The following RTN1 variants were observed in gnomAD, a reference collection of about 807,000 sequenced individuals.
The protein encoded by RTN1 is reticulon 1, also known as reticulon-1.
In RTN1, 25 loss-of-function variants were observed where a neutral mutation model predicts 65.5. The ratio of observed to expected loss-of-function variants is 0.38; its 90% confidence interval spans 0.28 to 0.53. The LOEUF is 0.53. Ranked by LOEUF, RTN1 falls within the 20% of genes least tolerant of loss-of-function variation. The pLI is 0.79. For synonymous variants in RTN1, 471 were observed against 447.6 expected (o/e 1.05, Z -0.66); for missense variants, 983 against 1,025.4 (o/e 0.96, Z 0.57).
intron 3 of RTN1, among the ~76,000 whole-genome samples, chr14:59,626,134 C>T (rs1419938300): frequency 6.6e-6 from 1 of 152,124 alleles, no homozygotes; most frequent in Non-Finnish European, 1.5e-5. Context: ...TTCCCAAATA[C>T]TATTCCCAAA....
rs933911600 is a variant in RTN1 at position 59,707,387 on chromosome 14, C to T, written c.1765+19532G>A. 4.6e-5 allele frequency among the ~76,000 whole-genome samples: 7 copies of T among 152,214 alleles called. 1 individual carries two copies. The South Asian group carries it at 1.5e-3, about 32-fold the overall frequency. On this transcript the variant is annotated intron_variant, in intron 3 of 8. Transcript: ENST00000267484. ...ATTTAAAATAGCTTTCTTTAGCCTG[C>T]TTTATTTTTGAATTCACAGCACTTG...
intron 1 of RTN1, among the ~76,000 whole-genome samples, chr14:59,864,979 G>A (rs1262951006): frequency 6.6e-6 from 1 of 152,066 alleles, no homozygotes. Context: ...ATAAATTAAA[G>A]AGCATGCTTT....
Position 59,790,429 on chromosome 14 carries a change from C to T in RTN1, c.242-43948G>A, listed in dbSNP as rs114380872. Among the ~76,000 whole-genome samples the T allele has an allele frequency of 0.013, 1,916 of 152,070 alleles. 38 individuals are homozygous for T. The highest frequency in any genetic ancestry group is 0.043 in the African/African-American group (1,767 of 41,496). Reference sequence around the variant, plus strand: ...ATTTAAAACTAATAATAATATGAAACTCTTGTGTCACCTTTTATTCATAAT... The same window carrying T: ...ATTTAAAACTAATAATAATATGAAATTCTTGTGTCACCTTTTATTCATAAT... On this transcript the variant is annotated intron_variant, in intron 1 of 8. Transcript: ENST00000267484. This position sits in a 1 kb window ranked among gnomAD's most constrained non-coding sequence, Gnocchi z 4.1.
At chr14:59,663,974 C>A (rs1017786885) in intron 3 of RTN1, among the ~76,000 whole-genome samples, 12 of 152,074 alleles carry the variant, frequency 7.9e-5, no homozygotes, top group African/African-American at 2.9e-4. Context: ...TGAGTATATA[C>A]CCAAAGGATT....
At chr14:59,619,490 T>C (rs1882197630) in intron 3 of RTN1, among the ~76,000 whole-genome samples, 1 of 152,238 alleles carries the variant, frequency 6.6e-6, no homozygotes, top group Non-Finnish European at 1.5e-5. Context: ...TAATATCATA[T>C]ATCCAATGAT....
Position 59,607,512 on chromosome 14 carries a change from C to T in RTN1, c.1766-20G>A, listed in dbSNP as rs941995691. ...CAATAGCTGCAGGAGACACCAAACA[C>T]ACCCAGCTGAGCTCCCGCAGTGCCG... On this transcript the variant is annotated intron_variant, in intron 3 of 8. Transcript: ENST00000267484. 9 of 1,583,002 alleles carry T rather than the reference C, an allele frequency of 5.7e-6. No individual in the cohort carries two copies. The highest frequency in any genetic ancestry group is 1.3e-5 in the African/African-American group (1 of 74,172).
At chr14:59,703,223 C>A (rs892726511) in intron 3 of RTN1, among the ~76,000 whole-genome samples, 1 of 152,090 alleles carries the variant, frequency 6.6e-6, no homozygotes, top group African/African-American at 2.4e-5. Flanking sequence ...TATATGATAT[C>A]GTTTGGGTAT....
Position 59,749,422 on chromosome 14 carries a change from ATATATCTATATATATC to A in RTN1, c.242-2957_242-2942del, listed in dbSNP as rs1885349743. On this transcript the variant is annotated intron_variant, in intron 1 of 8. Coordinates refer to ENST00000267484, the MANE Select transcript of RTN1 (RefSeq NM_021136.3). ...TATATATCTATATCTATATATATCT[ATATATCTATATATATC>A]TATATCTATATATATCTATATATAT... 3.1e-5 allele frequency among the ~76,000 whole-genome samples: 3 copies of A among 97,924 alleles called. 1 individual carries two copies. Among genetic ancestry groups the A allele is most frequent in the Non-Finnish European group, 5.2e-5 (3 of 57,150 alleles). 64.2% of individuals were successfully genotyped at this position (97,924 alleles called of 152,430 possible).
intron 3 of RTN1, among the ~76,000 whole-genome samples, chr14:59,619,555 C>T (rs891486223): frequency 6.6e-6 from 1 of 152,072 alleles, no homozygotes; most frequent in Non-Finnish European, 1.5e-5. Flanking sequence ...AAATTTAGTA[C>T]AGGGGGCTGA....
rs1424847237 is a variant in RTN1, at chr14:59,766,962, G to C, written c.242-20481C>G. Among the ~76,000 whole-genome samples, 1 of 152,168 alleles carries C rather than the reference G, an allele frequency of 6.6e-6. No individual in the cohort carries two copies. Among genetic ancestry groups the C allele is most frequent in the Non-Finnish European group, 1.5e-5 (1 of 68,026 alleles). ...TACTATGTGGTAGGTACTTATTCTA[G>C]TTTCTGGGGATTTAACAATGAATGA... is the stretch of plus-strand genomic sequence containing the variant. On this transcript the variant is annotated intron_variant, in intron 1 of 8. Transcript: ENST00000267484. This position sits in a 1 kb window ranked among gnomAD's most constrained non-coding sequence, Gnocchi z 4.4.
chr14:59,660,951 T>G (rs982463005), intron 3 of RTN1, among the ~76,000 whole-genome samples: 6 of 151,146 alleles, frequency 4.0e-5, no homozygotes, highest in African/African-American at 7.3e-5. Context: ...CCAGGAGCTG[T>G]TTTTTTTGAA....
At chr14:59,666,620 G>T (rs1594665444) in intron 3 of RTN1, among the ~76,000 whole-genome samples, 1 of 151,632 alleles carries the variant, frequency 6.6e-6, no homozygotes, top group Admixed American at 6.6e-5. Flanking sequence ...TAGAGACACA[G>T]AAAACCCTTC....
intron 3 of RTN1, among the ~76,000 whole-genome samples, chr14:59,698,462 G>T (rs971626424): frequency 6.6e-6 from 1 of 152,060 alleles, no homozygotes; most frequent in African/African-American, 2.4e-5. Flanking sequence ...ATCTCATCTT[G>T]AACTCCCACG....
intron 1 of RTN1, among the ~76,000 whole-genome samples, chr14:59,798,250 G>A (rs1049804065): frequency 2.0e-5 from 3 of 152,108 alleles, no homozygotes. Context: ...GGAGGTATAT[G>A]CCTCAGAGTT....
intron 1 of RTN1, among the ~76,000 whole-genome samples, chr14:59,823,137 C>A (rs935142803): frequency 3.3e-5 from 5 of 152,114 alleles, no homozygotes; most frequent in Non-Finnish European, 7.4e-5. Flanking sequence ...GTGTAGTTAT[C>A]TAATTCTCTG....
At position 59,849,828 on chromosome 14, in the gene RTN1, A is replaced by C. The variant is rs570095518; in HGVS notation, c.241+20562T>G. On this transcript the variant is annotated intron_variant, in intron 1 of 8. Transcript: ENST00000267484. The surrounding 1 kb of genome is among the most constrained non-coding windows in gnomAD (Gnocchi z 4.5). ...TCTAGAATTTAGCCAAGTCTTCTTA[A>C]CTACTTCTCTTTTCCTCTTCTTCAT... Among the ~76,000 whole-genome samples the C allele has an allele frequency of 4.6e-5, 7 of 152,324 alleles. No homozygotes were observed. The highest frequency in any genetic ancestry group is 1.7e-4 in the African/African-American group (7 of 41,578).
chr14:59,602,072 A>G (rs1881596065), intron 8 of RTN1, among the ~76,000 whole-genome samples: 2 of 152,186 alleles, frequency 1.3e-5, no homozygotes, highest in Admixed American at 1.3e-4. Flanking sequence ...TGTAAATAAT[A>G]CACAGTAAAA....
chr14:59,830,072 A>G (rs1288785526), intron 1 of RTN1, among the ~76,000 whole-genome samples: 1 of 152,160 alleles, frequency 6.6e-6, no homozygotes, highest in Non-Finnish European at 1.5e-5. Flanking sequence ...CAGTCACCCA[A>G]ACTGGTTAGT....
At chr14:59,682,006 T>G (rs1044808834) in intron 3 of RTN1, among the ~76,000 whole-genome samples, 1 of 152,200 alleles carries the variant, frequency 6.6e-6, no homozygotes, top group Non-Finnish European at 1.5e-5. Context: ...TGGAGAAATC[T>G]TTCTAAACAT....
Sources: allele counts gnomAD v4.1 joint callset (sites outside exome capture counted in the v4.1 genomes callset), GRCh38; gene constraint gnomAD v4.1.1; non-coding constraint Gnocchi (gnomAD v3.1); transcripts MANE v1.5; gene names NCBI Gene and HGNC (gene_info 2026-07-23, HGNC 2026-07-21).